The following MTA3 variants were observed in gnomAD, a reference collection of about 807,000 sequenced individuals.
The protein encoded by MTA3 is metastasis associated 1 family member 3.
In MTA3, 34 loss-of-function variants were observed where a neutral mutation model predicts 83.5. The observed-to-expected ratio is 0.41, with a 90% confidence interval of 0.31 to 0.54. The LOEUF is 0.54. Ranked by LOEUF, MTA3 falls within the 20% of genes least tolerant of loss-of-function variation. MTA3 has a pLI of 0.33. For synonymous variants in MTA3, 303 were observed against 252.7 expected (o/e 1.20, Z -1.89); for missense variants, 761 against 726.4 (o/e 1.05, Z -0.55).
At chr2:42,536,664 C>A (rs1676252503) in intron 2 of MTA3, among the ~76,000 whole-genome samples, 1 of 151,854 alleles carries the variant, frequency 6.6e-6, no homozygotes, top group Non-Finnish European at 1.5e-5. Flanking sequence ...TGCAGGCCAT[C>A]CTGGCTAACA....
intron 16 of MTA3, among the ~76,000 whole-genome samples, chr2:42,723,624 C>G (rs914601925): frequency 6.6e-6 from 1 of 152,166 alleles, no homozygotes; most frequent in Non-Finnish European, 1.5e-5. Flanking sequence ...TAATGACTCT[C>G]CAGGTGGAAC....
intron 2 of MTA3, among the ~76,000 whole-genome samples, chr2:42,519,555 C>T (rs756709117): frequency 6.6e-6 from 1 of 150,744 alleles, no homozygotes; most frequent in African/African-American, 2.4e-5. Context: ...GCATTGAGCC[C>T]AGATGGCACC....
intron 3 of MTA3, among the ~76,000 whole-genome samples, chr2:42,600,497 A>G (rs2103995407): frequency 1.1e-5 from 1 of 88,564 alleles, no homozygotes; most frequent in Non-Finnish European, 2.1e-5. Context: ...GTTTCTTTTT[A>G]TTAATTTTTT....
chr2:42,551,230 G>A (rs1365201460), intron 2 of MTA3, among the ~76,000 whole-genome samples: 6 of 151,192 alleles, frequency 4.0e-5, no homozygotes, highest in African/African-American at 7.3e-5. Flanking sequence ...TTGCTCTGTC[G>A]CCCAGGCTGT....
rs149133448 is a variant in MTA3 at position 42,557,609 on chromosome 2, G to A, written c.-140-12828G>A. Reference sequence around the variant, plus strand: ...GGCTTTGTAAAAGCAGCTCCTTGAAGTGTCTCTGTAATACTCATGCTTTTT... The same window carrying A: ...GGCTTTGTAAAAGCAGCTCCTTGAAATGTCTCTGTAATACTCATGCTTTTT... On this transcript the variant is annotated intron_variant, in intron 2 of 17. Transcript: ENST00000405592. Among the ~76,000 whole-genome samples the A allele has an allele frequency of 5.9e-5, 9 of 152,306 alleles. No homozygotes were observed. In the East Asian group the frequency reaches 1.7e-3, roughly 29 times the overall value.
intron 9 of MTA3, among the ~76,000 whole-genome samples, chr2:42,684,662 A>C (rs886810499): frequency 6.6e-6 from 1 of 152,232 alleles, no homozygotes; most frequent in Non-Finnish European, 1.5e-5. Context: ...ATGAAAATTC[A>C]AAAAAGATAA....
intron 2 of MTA3, among the ~76,000 whole-genome samples, chr2:42,572,684 A>G (rs542182572): frequency 2.0e-5 from 3 of 152,320 alleles, no homozygotes; most frequent in African/African-American, 7.2e-5. Context: ...TTATTAGGAC[A>G]AAAGAAGCCT....
At chr2:42,633,504 A>G (rs1401444772) in intron 4 of MTA3, among the ~76,000 whole-genome samples, 1 of 152,120 alleles carries the variant, frequency 6.6e-6, no homozygotes, top group African/African-American at 2.4e-5. Context: ...ACTTGAGCCT[A>G]GGAGGTGGAG....
At chr2:42,702,929 A>G (rs1025411041) in intron 11 of MTA3, 1 of 152,258 alleles carries the variant, frequency 6.6e-6, no homozygotes, top group African/African-American at 2.4e-5. Context: ...GGAAATTTGC[A>G]TATACACTTC....
At chr2:42,552,590 C>T (rs527967132) in intron 2 of MTA3, among the ~76,000 whole-genome samples, 1 of 148,490 alleles carries the variant, frequency 6.7e-6, no homozygotes, top group African/African-American at 2.5e-5. Flanking sequence ...CACCACTGCA[C>T]TACCACCTGG....
chr2:42,575,100 C>T (rs1374352970), intron 2 of MTA3, among the ~76,000 whole-genome samples: 1 of 152,226 alleles, frequency 6.6e-6, no homozygotes, highest in African/African-American at 2.4e-5. Flanking sequence ...CCTCTCTGAC[C>T]TCCACTTTCG....
chr2:42,521,433 A>G (rs1675425366), intron 2 of MTA3, among the ~76,000 whole-genome samples: 1 of 152,178 alleles, frequency 6.6e-6, no homozygotes, highest in African/African-American at 2.4e-5. Context: ...TCCTAACCAT[A>G]GAAACTAAGA....
chr2:42,714,838 G>A (rs544608216), intron 14 of MTA3, among the ~76,000 whole-genome samples: 4 of 152,306 alleles, frequency 2.6e-5, no homozygotes, highest in Non-Finnish European at 4.4e-5. Flanking sequence ...TCACAATAGG[G>A]TTAGCGCTCC....
At chr2:42,502,749 A>T (rs997937679) in intron 2 of MTA3, among the ~76,000 whole-genome samples, 4 of 146,164 alleles carry the variant, frequency 2.7e-5, no homozygotes, top group African/African-American at 1.0e-4. Context: ...GTGAGCTGAG[A>T]TCACATCATT....
chr2:42,552,063 G>T (rs377311131), intron 2 of MTA3, among the ~76,000 whole-genome samples: 13 of 152,000 alleles, frequency 8.6e-5, no homozygotes, highest in African/African-American at 3.1e-4. Flanking sequence ...TCCCTATATT[G>T]CCCAGGCTGG....
intron 8 of MTA3, among the ~76,000 whole-genome samples, chr2:42,674,704 T>G (rs1342555580): frequency 6.6e-6 from 1 of 150,986 alleles, no homozygotes; most frequent in Non-Finnish European, 1.5e-5. Flanking sequence ...GTTCAAGGGA[T>G]TCTCCTGCCT....
chr2:42,742,745 T>TTA (rs1669124050), intron 16 of MTA3, among the ~76,000 whole-genome samples: 1 of 152,224 alleles, frequency 6.6e-6, no homozygotes, highest in Non-Finnish European at 1.5e-5. Flanking sequence ...TATTAAAGTT[T>TTA]TATTTGGAAA....
intron 2 of MTA3, among the ~76,000 whole-genome samples, chr2:42,511,186 G>A (rs1674878737): frequency 6.6e-6 from 1 of 152,088 alleles, no homozygotes; most frequent in Non-Finnish European, 1.5e-5. Context: ...CATTGTAGAT[G>A]CAACCAAAAT....
intron 2 of MTA3, among the ~76,000 whole-genome samples, chr2:42,517,595 G>C (rs1242395450): frequency 1.3e-5 from 2 of 148,638 alleles, no homozygotes; most frequent in Admixed American, 6.7e-5. Context: ...AAAAAAATTA[G>C]GCCAGGCATG....
Sources: allele counts gnomAD v4.1 joint callset (sites outside exome capture counted in the v4.1 genomes callset), GRCh38; gene constraint gnomAD v4.1.1; transcripts MANE v1.5; gene names NCBI Gene and HGNC (gene_info 2026-07-23, HGNC 2026-07-21).